The following LRRC9 variants were observed in gnomAD, a reference collection of about 807,000 sequenced individuals.
The protein encoded by LRRC9 is leucine rich repeat containing 9, also known as leucine-rich repeat-containing protein 9.
In LRRC9, 122 loss-of-function variants were observed where a neutral mutation model predicts 63.2. The ratio of observed to expected loss-of-function variants is 1.93; its 90% CI spans 1.67 to 2.24. LRRC9 has a LOEUF of 2.24. LRRC9 is among the 30% of genes most tolerant of loss of function. The pLI, the probability that LRRC9 is intolerant of heterozygous loss-of-function variation, is 0.00. For missense variants in LRRC9, 1,071 were observed against 627.7 expected (o/e 1.71, Z -7.55); for synonymous variants, 366 against 213.1 (o/e 1.72, Z -6.25).
chr14:59,965,589 A>G (rs1158896161), intron 10 of LRRC9, among the ~76,000 whole-genome samples: 3 of 152,144 alleles, frequency 2.0e-5, no homozygotes, highest in Non-Finnish European at 4.4e-5. Flanking sequence ...GACTTGCTAA[A>G]GAATTAGATA....
exon 28 of LRRC9, chr14:60,028,049 T>C (rs1891695508): frequency 4.3e-6 from 3 of 701,698 alleles, no homozygotes; most frequent in South Asian, 1.5e-5. Flanking sequence ...CTGGGCAAAT[T>C]ACAATCTTTG....
Position 59,966,819 on chromosome 14 carries a change from T to C in LRRC9, c.1388+54T>C, listed in dbSNP as rs1308863095. ...CTTTACAAAAGTGTGACTGTATTTG[T>C]AAAATTTCTATTTTAAAAGTTTACA... is the stretch of plus-strand genomic sequence containing the variant. On this transcript the variant is annotated intron_variant, in intron 11 of 31. Coordinates refer to ENST00000445360, the Ensembl canonical transcript of LRRC9. This position sits in a 1 kb window ranked among gnomAD's most constrained non-coding sequence, Gnocchi z 4.0. 2 of 548,012 alleles carry C rather than the reference T, an allele frequency of 3.6e-6. No homozygotes were observed. The highest frequency in any genetic ancestry group is 3.7e-5 in the African/African-American group (2 of 53,380). The allele number at this position is 548,012 out of a possible 1,614,324, so 33.9% of individuals were successfully genotyped here.
At chr14:59,993,455 C>T (rs1213857356) in intron 17 of LRRC9, among the ~76,000 whole-genome samples, 2 of 152,144 alleles carry the variant, frequency 1.3e-5, no homozygotes, top group African/African-American at 4.8e-5. Context: ...CAAATTCACA[C>T]ATAACAATAT....
Position 60,058,721 on chromosome 14 carries a change from T to C in LRRC9, c.4276+699T>C, listed in dbSNP as rs772731604. 6.6e-6 allele frequency among the ~76,000 whole-genome samples: 1 copy of C among 152,096 alleles called. No homozygotes were observed. Among genetic ancestry groups the C allele is most frequent in the Non-Finnish European group, 1.5e-5 (1 of 68,002 alleles). ...TCCAGTCCTTCTGACTTCCCATTTG[T>C]CCTCAGACCACTCTTAGACAATAAA... On this transcript the variant is annotated intron_variant, in intron 31 of 31. Coordinates refer to ENST00000445360, the Ensembl canonical transcript of LRRC9. This position sits in a 1 kb window ranked among gnomAD's most constrained non-coding sequence, Gnocchi z 4.4.
At chr14:60,029,223 G>C (rs528485947) in intron 28 of LRRC9, among the ~76,000 whole-genome samples, 13 of 152,134 alleles carry the variant, frequency 8.5e-5, no homozygotes, top group Admixed American at 8.5e-4. Flanking sequence ...AGTCATCACA[G>C]ATCTTACCTG....
At position 59,942,781 on chromosome 14, in the gene LRRC9, T is replaced by G. The variant is rs1881925437; in HGVS notation, c.727-1808T>G. Among the ~76,000 whole-genome samples, 2 of 152,166 alleles carry G rather than the reference T, an allele frequency of 1.3e-5. No homozygotes were observed. Among genetic ancestry groups the G allele is most frequent in the Non-Finnish European group, 2.9e-5 (2 of 68,018 alleles). On this transcript the variant is annotated intron_variant, in intron 7 of 31. Coordinates refer to ENST00000445360, the Ensembl canonical transcript of LRRC9. This position sits in a 1 kb window ranked among gnomAD's most constrained non-coding sequence, Gnocchi z 5.3. Reference sequence around the variant, plus strand: ...CCTCGCCAGCATCTCTCTCTCTCTTTTTTTTTTCTGTCTTTTTGATAATAG... The same window carrying G: ...CCTCGCCAGCATCTCTCTCTCTCTTGTTTTTTTCTGTCTTTTTGATAATAG...
Position 59,936,479 on chromosome 14 carries a change from T to TCAC in LRRC9, c.544-1911_544-1910insCAC. Among the ~76,000 whole-genome samples the TCAC allele has an allele frequency of 6.6e-6, 1 of 152,138 alleles. No individual in the cohort carries two copies. Among genetic ancestry groups the TCAC allele is most frequent in the Non-Finnish European group, 1.5e-5 (1 of 68,028 alleles). On this transcript the variant is annotated intron_variant, in intron 6 of 31. Transcript: ENST00000445360. The surrounding 1 kb of genome is among the most constrained non-coding windows in gnomAD (Gnocchi z 4.2). The stretch of plus-strand genomic sequence containing the variant: ...CCATACCAGGCACCAGAGCACTAAT[T>TCAC]TTCAGTGAGATTTTGTGCCTTTGTA...
At chr14:60,040,589 T>A (rs1035913895) in intron 29 of LRRC9, among the ~76,000 whole-genome samples, 17 of 151,916 alleles carry the variant, frequency 1.1e-4, no homozygotes, top group Non-Finnish European at 2.9e-5. Flanking sequence ...AACCCCTGCA[T>A]TTTTTTGTTT....
At chr14:59,991,626 C>G (rs1485187429) in intron 17 of LRRC9, among the ~76,000 whole-genome samples, 1 of 152,142 alleles carries the variant, frequency 6.6e-6, no homozygotes, top group African/African-American at 2.4e-5. Context: ...CCTAATATTG[C>G]ACTTTTCCAA....
intron 6 of LRRC9, among the ~76,000 whole-genome samples, chr14:59,934,255 G>C (rs1380382081): frequency 6.6e-6 from 1 of 152,136 alleles, no homozygotes; most frequent in Non-Finnish European, 1.5e-5. Flanking sequence ...AAGAGCTAGA[G>C]AGTCCAAAAT....
At chr14:59,939,474 A>G (rs1165914518) in intron 7 of LRRC9, among the ~76,000 whole-genome samples, 2 of 152,024 alleles carry the variant, frequency 1.3e-5, no homozygotes, top group African/African-American at 4.8e-5. Context: ...ATAATGGATT[A>G]AGAATAGAGA....
chr14:59,934,027 G>A (rs915700831), intron 6 of LRRC9, among the ~76,000 whole-genome samples: 3 of 152,086 alleles, frequency 2.0e-5, no homozygotes, highest in Non-Finnish European at 4.4e-5. Context: ...ATAGTGATCT[G>A]GAGTTAGTGT....
intron 17 of LRRC9, among the ~76,000 whole-genome samples, chr14:59,987,153 A>G (rs975737068): frequency 4.6e-5 from 7 of 152,114 alleles, no homozygotes; most frequent in Non-Finnish European, 8.8e-5. Context: ...AGCCTCTTCT[A>G]TGTGCCCCAT....
chr14:59,965,227 T>C (rs374903385), intron 10 of LRRC9, among the ~76,000 whole-genome samples: 17 of 152,190 alleles, frequency 1.1e-4, no homozygotes, highest in African/African-American at 3.9e-4. Context: ...AACAAGCACT[T>C]CAGTGTTATT....
In LRRC9 at chr14:59,986,815, A is replaced by G. The variant is rs2140125115; in HGVS notation, c.2211+1591A>G. ...CTCACAGTCTACTTGTTAAATGACTATAACCTTAGTCATTTTACAGATAAG... is the reference window on the plus strand; with the variant it reads ...CTCACAGTCTACTTGTTAAATGACTGTAACCTTAGTCATTTTACAGATAAG... On this transcript the variant is annotated intron_variant, in intron 17 of 31. Transcript: ENST00000445360. This position sits in a 1 kb window ranked among gnomAD's most constrained non-coding sequence, Gnocchi z 4.7. 6.6e-6 allele frequency among the ~76,000 whole-genome samples: 1 copy of G among 152,270 alleles called. No individual in the cohort carries two copies. Among genetic ancestry groups the G allele is most frequent in the Admixed American group, 6.5e-5 (1 of 15,300 alleles).
intron 26 of LRRC9, among the ~76,000 whole-genome samples, chr14:60,021,305 T>G (rs1891099070): frequency 6.6e-6 from 1 of 151,890 alleles, no homozygotes; most frequent in South Asian, 2.1e-4. Context: ...TGGTAAAATC[T>G]CTATTCGAAT....
intron 29 of LRRC9, among the ~76,000 whole-genome samples, chr14:60,034,751 T>A (rs1892291654): frequency 6.6e-6 from 1 of 152,230 alleles, no homozygotes; most frequent in Non-Finnish European, 1.5e-5. Flanking sequence ...CATCCGCTGA[T>A]GGGCACTTAG....
chr14:60,047,470 C>A (rs1350452179), intron 29 of LRRC9, among the ~76,000 whole-genome samples: 3 of 151,956 alleles, frequency 2.0e-5, no homozygotes, highest in African/African-American at 7.3e-5. Flanking sequence ...ATTTACCAAG[C>A]AGATGAAAAA....
intron 1 of LRRC9, among the ~76,000 whole-genome samples, chr14:59,926,258 C>T (rs1889201306): frequency 6.6e-6 from 1 of 152,138 alleles, no homozygotes; most frequent in Non-Finnish European, 1.5e-5. Context: ...AATCATTGCT[C>T]TTTTTGTAGC....
Sources: gnomAD v4.1 joint callset for allele counts (sites outside exome capture counted in the v4.1 genomes callset) on GRCh38, gnomAD v4.1.1 for gene constraint, Gnocchi (gnomAD v3.1) non-coding constraint, MANE v1.5 for transcripts, NCBI Gene and HGNC (gene_info 2026-07-23, HGNC 2026-07-21) for gene names.